The following BCAS3 variants were observed in gnomAD, a reference collection of about 807,000 sequenced individuals.
BCAS3 encodes the protein BCAS4/BCAS3 fusion.
Under a neutral mutation model 116.1 loss-of-function variants are expected in BCAS3, and 53 were observed. The ratio of observed to expected loss-of-function variants is 0.46; its 90% confidence interval spans 0.37 to 0.57. The LOEUF (loss-of-function observed/expected upper bound fraction) is 0.57. Among genes scored for constraint, BCAS3 ranks in the 20% least tolerant of loss-of-function variants. The pLI, the probability that BCAS3 is intolerant of heterozygous loss-of-function variation, is 0.00. For synonymous variants in BCAS3, 391 were observed against 408.2 expected (o/e 0.96, Z 0.51); for missense variants, 917 against 1,165.4 (o/e 0.79, Z 3.10).
At chr17:61,297,758 G>A (rs572731660) in intron 22 of BCAS3, among the ~76,000 whole-genome samples, 8 of 152,156 alleles carry the variant, frequency 5.3e-5, no homozygotes, top group Non-Finnish European at 1.2e-4. Context: ...ACAGGTGTTC[G>A]TGTTCACTGT....
At chr17:60,696,220 C>T (rs1019754839) in intron 4 of BCAS3, 3 of 152,138 alleles carry the variant, frequency 2.0e-5, no homozygotes, top group Admixed American at 6.6e-5. Flanking sequence ...TGTGCCTATC[C>T]CTGTGCTTGA....
rs371065892 is a variant in BCAS3 at position 61,144,889 on chromosome 17, T to TAGGC, written c.2425+60326_2425+60329dup. Among the ~76,000 whole-genome samples the TAGGC allele has an allele frequency of 2.6e-3, 399 of 152,304 alleles. 1 individual carries two copies. Among genetic ancestry groups the TAGGC allele is most frequent in the African/African-American group, 9.3e-3 (385 of 41,564 alleles). ...GATTAAGATCATTATAGCATTTGAG[T>TAGGC]AGGCCCTCAGTGACAAATTGCTCTA... is the stretch of plus-strand genomic sequence containing the variant. On this transcript the variant is annotated intron_variant, in intron 22 of 23. Coordinates refer to ENST00000407086, the MANE Select transcript of BCAS3 (RefSeq NM_017679.5). The surrounding 1 kb of genome is among the most constrained non-coding windows in gnomAD (Gnocchi z 5.0).
At chr17:60,930,251 A>G (rs1398519634) in intron 13 of BCAS3, among the ~76,000 whole-genome samples, 1 of 152,118 alleles carries the variant, frequency 6.6e-6, no homozygotes, top group Non-Finnish European at 1.5e-5. Flanking sequence ...AGGTATTTTC[A>G]TGGGGTATGT....
chr17:61,206,280 A>G (rs1437307387), intron 22 of BCAS3, among the ~76,000 whole-genome samples: 1 of 152,142 alleles, frequency 6.6e-6, no homozygotes, highest in Non-Finnish European at 1.5e-5. Flanking sequence ...GCACAGGGCA[A>G]CCTCAGGCAT....
At chr17:60,949,788 CAA>C (rs1224438485) in intron 14 of BCAS3, among the ~76,000 whole-genome samples, 3 of 152,052 alleles carry the variant, frequency 2.0e-5, no homozygotes, top group Non-Finnish European at 2.9e-5. Context: ...ACTAAACTAA[CAA>C]ATCAGCTTCT....
intron 19 of BCAS3, among the ~76,000 whole-genome samples, chr17:61,050,172 C>T (rs1238996871): frequency 6.6e-6 from 1 of 151,914 alleles, no homozygotes; most frequent in Non-Finnish European, 1.5e-5. Context: ...TTATCAGCTT[C>T]ATATGAAATG....
At chr17:61,168,339 T>C (rs1017206368) in intron 22 of BCAS3, among the ~76,000 whole-genome samples, 1 of 152,198 alleles carries the variant, frequency 6.6e-6, no homozygotes, top group African/African-American at 2.4e-5. Context: ...TTTCTATTTC[T>C]CCCTTCTCCT....
At position 60,818,816 on chromosome 17, in the gene BCAS3, C is replaced by G. The variant is rs371774091; in HGVS notation, c.476+10740C>G. Among the ~76,000 whole-genome samples, 38 of 152,202 alleles carry G rather than the reference C, an allele frequency of 2.5e-4. 1 individual carries two copies. Among genetic ancestry groups the G allele is most frequent in the Middle Eastern group, 6.8e-3 (2 of 294 alleles). The stretch of plus-strand genomic sequence containing the variant: ...CTGTCTTTACTGCTCAAAGAAAGAG[C>G]TTTACATCTTAGGTATACCGTTTAT... On this transcript the variant is annotated intron_variant, in intron 7 of 23. Coordinates refer to ENST00000407086, the MANE Select transcript of BCAS3 (RefSeq NM_017679.5).
At chr17:61,112,847 C>T (rs1334734630) in intron 22 of BCAS3, among the ~76,000 whole-genome samples, 2 of 151,588 alleles carry the variant, frequency 1.3e-5, no homozygotes, top group African/African-American at 4.8e-5. Context: ...GTAAAGCTCT[C>T]CTCAGCAAAT....
intron 6 of BCAS3, among the ~76,000 whole-genome samples, chr17:60,773,296 T>TC (rs1468690468): frequency 2.0e-5 from 3 of 147,734 alleles, no homozygotes; most frequent in Non-Finnish European, 4.5e-5. Flanking sequence ...CCTTTTTTTT[T>TC]TTTTTTTTTT....
chr17:61,327,540 T>C lies in BCAS3; in HGVS notation c.2426-40787T>C, dbSNP rs1347524671. Among the ~76,000 whole-genome samples, 1 of 152,046 alleles carries C rather than the reference T, an allele frequency of 6.6e-6. No individual in the cohort carries two copies. The highest frequency in any genetic ancestry group is 1.5e-5 in the Non-Finnish European group (1 of 67,998). On this transcript the variant is annotated intron_variant, in intron 22 of 23. Coordinates refer to ENST00000407086, the MANE Select transcript of BCAS3 (RefSeq NM_017679.5). This position sits in a 1 kb window ranked among gnomAD's most constrained non-coding sequence, Gnocchi z 5.9. ...TTTTTTTTTAGACAGAGTCTCACTC[T>C]GTCACCCAGGCTGGAGAGTAGTGTA...
At chr17:60,836,157 A>ATAGT (rs1341357226) in intron 7 of BCAS3, among the ~76,000 whole-genome samples, 1 of 152,098 alleles carries the variant, frequency 6.6e-6, no homozygotes. Context: ...TACATTTGTT[A>ATAGT]TAGTTGATGA....
At chr17:61,331,884 A>C (rs1247761531) in intron 22 of BCAS3, among the ~76,000 whole-genome samples, 1 of 152,152 alleles carries the variant, frequency 6.6e-6, no homozygotes, top group Non-Finnish European at 1.5e-5. Flanking sequence ...GCCCATCACC[A>C]GGGCTGGCAA....
At position 61,259,846 on chromosome 17, in the gene BCAS3, C is replaced by T. The variant is rs182916727; in HGVS notation, c.2426-108481C>T. ...CCTGAGGTCACTTTTTGCCATAAGG[C>T]ATGTCACTCTGTGGCATCTTACTGA... On this transcript the variant is annotated intron_variant, in intron 22 of 23. Transcript: ENST00000407086. This position sits in a 1 kb window ranked among gnomAD's most constrained non-coding sequence, Gnocchi z 4.7. Among the ~76,000 whole-genome samples the T allele has an allele frequency of 1.2e-3, 188 of 152,318 alleles. No individual in the cohort carries two copies. Among genetic ancestry groups the T allele is most frequent in the Middle Eastern group, 3.4e-3 (1 of 294 alleles).
In BCAS3 at chr17:60,683,413, A is replaced by G. The variant is rs563379709; in HGVS notation, c.84-569A>G. ...TTTTAAAAAGAGATAATGTTTAAAA[A>G]TGTTAAAAGCCCATTTACATTTAAT... On this transcript the variant is annotated intron_variant, in intron 2 of 23. Transcript: ENST00000407086. Among the ~76,000 whole-genome samples the G allele has an allele frequency of 3.3e-5, 5 of 151,414 alleles. No individual in the cohort carries two copies. The South Asian group carries it at 1.0e-3, about 32-fold the overall frequency.
chr17:61,218,178 A>G (rs2081913920), intron 22 of BCAS3, among the ~76,000 whole-genome samples: 1 of 152,176 alleles, frequency 6.6e-6, no homozygotes, highest in South Asian at 2.1e-4. Flanking sequence ...AGCTGACTAC[A>G]CTGACTTTCT....
intron 19 of BCAS3, among the ~76,000 whole-genome samples, chr17:61,061,356 T>G (rs552005148): frequency 6.6e-6 from 1 of 152,360 alleles, no homozygotes; most frequent in African/African-American, 2.4e-5. Context: ...AAAATTATTT[T>G]TGCCATTTTT....
intron 23 of BCAS3, among the ~76,000 whole-genome samples, chr17:61,375,246 G>GTGCGCGCGCGCGCACA (rs1555861734): frequency 1.9e-4 from 29 of 150,782 alleles, no homozygotes; most frequent in African/African-American, 7.0e-4. Flanking sequence ...GTGTGTGTGT[G>GTGCGCGCGCGCGCACA]TGTGTGTGTA....
chr17:60,805,594 G>A (rs985663008), intron 6 of BCAS3, among the ~76,000 whole-genome samples: 1 of 152,140 alleles, frequency 6.6e-6, no homozygotes, highest in Non-Finnish European at 1.5e-5. Context: ...TTGGGAGGCC[G>A]AGGCAGGAGG....
Sources: gnomAD v4.1 joint callset for allele counts (sites outside exome capture counted in the v4.1 genomes callset) on GRCh38, gnomAD v4.1.1 for gene constraint, Gnocchi (gnomAD v3.1) non-coding constraint, MANE v1.5 for transcripts, NCBI Gene and HGNC (gene_info 2026-07-23, HGNC 2026-07-21) for gene names.